The following DYTN variants were observed in gnomAD, a reference collection of about 807,000 sequenced individuals.
DYTN encodes dystrotelin.
In DYTN, 75 loss-of-function variants were observed where a neutral mutation model predicts 69.6. The observed-to-expected ratio is 1.08, with a 90% CI of 0.89 to 1.31. The LOEUF (loss-of-function observed/expected upper bound fraction) is 1.31. DYTN is among the 50% of genes most tolerant of loss of function. The probability of loss-of-function intolerance (pLI) is 0.00; values close to 1 mark genes in which losing one functional copy is unlikely to be tolerated. For missense variants in DYTN, 726 were observed against 688.4 expected, an observed-to-expected ratio of 1.05 and a Z score of -0.61; for synonymous variants, 252 against 249.1, an observed-to-expected ratio of 1.01 and a Z score of -0.11.
At chr2:206,717,622 T>C (rs1446418494) in intron 1 of DYTN, among the ~76,000 whole-genome samples, 2 of 152,224 alleles carry the variant, frequency 1.3e-5, no homozygotes, top group Admixed American at 6.5e-5. Context: ...CCCAAAGGTA[T>C]TGTAATCATT....
In DYTN at chr2:206,694,849, C is replaced by A; in HGVS notation, c.748G>T (p.Asp250Tyr). The A allele has an allele frequency of 1.3e-6, 2 of 1,599,878 alleles. No homozygotes were observed. Among genetic ancestry groups the A allele is most frequent in the South Asian group, 2.2e-5 (2 of 89,818 alleles). Residue 250 changes from aspartate to tyrosine, a missense_variant, in exon 8 of 12, where the codon GAC (aspartate) becomes TAC (tyrosine). Coordinates refer to ENST00000452335, the MANE Select transcript of DYTN (RefSeq NM_001093730.1). Reference sequence around the variant, plus strand: ...GATAAGAAACACATCTGGCAGATGTCAAAGTTGAGACACTTCAGACAGCGG... The same window carrying A: ...GATAAGAAACACATCTGGCAGATGTAAAAGTTGAGACACTTCAGACAGCGG... ...RYRCLKCLNF[D>Y]ICQMCFLSGL...
At chr2:206,659,111 G>A (rs75972374) in intron 11 of DYTN, among the ~76,000 whole-genome samples, 19,433 of 148,684 alleles carry the variant, frequency 0.13, 1,323 homozygotes, top group East Asian at 0.17. Context: ...AATTTAAAGA[G>A]GTTTGTGGAA....
chr2:206,707,172 G>T, intron 3 of DYTN, 130 bp downstream of exon 3: 2 of 1,148,736 alleles, frequency 1.7e-6, no homozygotes, highest in South Asian at 1.6e-5. Context: ...GAATAAATTT[G>T]TGAAAAACAA....
chr2:206,671,532 T>C (rs1699629810), intron 9 of DYTN, among the ~76,000 whole-genome samples: 1 of 152,158 alleles, frequency 6.6e-6, no homozygotes, highest in Non-Finnish European at 1.5e-5. Flanking sequence ...CAAATAATAA[T>C]TGCAGAATAT....
intron 1 of DYTN, among the ~76,000 whole-genome samples, chr2:206,715,691 G>A (rs1179066643): frequency 6.6e-6 from 1 of 152,206 alleles, no homozygotes; most frequent in East Asian, 1.9e-4. Context: ...ATTCAAAGAG[G>A]TTGGCTGGAG....
At chr2:206,675,747 C>A (rs1323864866) in intron 9 of DYTN, among the ~76,000 whole-genome samples, 1 of 152,136 alleles carries the variant, frequency 6.6e-6, no homozygotes, top group Non-Finnish European at 1.5e-5. Flanking sequence ...TTGTGTTATA[C>A]AACCCCATCA....
chr2:206,707,820 G>T (rs899258112), intron 2 of DYTN, among the ~76,000 whole-genome samples: 1 of 152,108 alleles, frequency 6.6e-6, no homozygotes, highest in Non-Finnish European at 1.5e-5. Context: ...CGAAAAATAC[G>T]CTTTCCAAGA....
chr2:206,696,848 C>T (rs1300443239), intron 7 of DYTN, among the ~76,000 whole-genome samples: 1 of 152,044 alleles, frequency 6.6e-6, no homozygotes, highest in Non-Finnish European at 1.5e-5. Context: ...AAAACTTAAG[C>T]TCACTTAAGT....
chr2:206,680,182 G>A (rs917784302), intron 9 of DYTN, among the ~76,000 whole-genome samples: 4 of 152,206 alleles, frequency 2.6e-5, no homozygotes, highest in Non-Finnish European at 5.9e-5. Flanking sequence ...AAGCAACAGA[G>A]GAACAAAAGC....
chr2:206,667,485 AG>A (rs1699585946), intron 9 of DYTN, among the ~76,000 whole-genome samples: 2 of 151,974 alleles, frequency 1.3e-5, no homozygotes, highest in Admixed American at 1.3e-4. Context: ...CCTCTCCTCC[AG>A]CATGGCCAAA....
intron 9 of DYTN, among the ~76,000 whole-genome samples, chr2:206,689,504 T>C (rs202159308): frequency 6.6e-6 from 1 of 152,230 alleles, no homozygotes; most frequent in East Asian, 1.9e-4. Context: ...GGGGAACAAC[T>C]CTACTGTACT....
chr2:206,685,223 G>A lies in DYTN; in HGVS notation c.980+7952C>T, dbSNP rs975913937. Among the ~76,000 whole-genome samples, 13 of 151,946 alleles carry A rather than the reference G, an allele frequency of 8.6e-5. 1 individual carries two copies. In the East Asian group the frequency reaches 9.7e-4, roughly 11 times the overall value. On this transcript the variant is annotated intron_variant, in intron 9 of 11. Transcript: ENST00000452335. ...CCCAGGCTGGAGTGAGTGCAGCAGC[G>A]CAATCACTGCTCACTGTAGCCTCGA...
chr2:206,688,867 A>T (rs1340859200), intron 9 of DYTN, among the ~76,000 whole-genome samples: 1 of 152,088 alleles, frequency 6.6e-6, no homozygotes, highest in African/African-American at 2.4e-5. Flanking sequence ...AATAATTTTT[A>T]CATGTATTTT....
At chr2:206,697,519 T>C (rs1336394042) in intron 7 of DYTN, among the ~76,000 whole-genome samples, 1 of 152,204 alleles carries the variant, frequency 6.6e-6, no homozygotes, top group Non-Finnish European at 1.5e-5. Flanking sequence ...GTTGAGTTTT[T>C]TGAGATCCCA....
intron 11 of DYTN, among the ~76,000 whole-genome samples, chr2:206,652,804 A>C (rs1373262042): frequency 6.6e-6 from 1 of 152,204 alleles, no homozygotes; most frequent in Non-Finnish European, 1.5e-5. Context: ...AAACTCACTA[A>C]GCTGTTAATA....
chr2:206,696,118 A>G (rs930409816), intron 7 of DYTN, among the ~76,000 whole-genome samples: 2 of 152,212 alleles, frequency 1.3e-5, no homozygotes, highest in East Asian at 1.9e-4. Context: ...GGAGAGCCCT[A>G]TGGGCTGGTG....
intron 9 of DYTN, among the ~76,000 whole-genome samples, chr2:206,687,532 A>G (rs1225951802): frequency 6.6e-6 from 1 of 152,090 alleles, no homozygotes; most frequent in Non-Finnish European, 1.5e-5. Context: ...CCATAACAAA[A>G]TGTTTAAAAT....
chr2:206,712,491 G>A (rs930114333), intron 1 of DYTN, among the ~76,000 whole-genome samples: 1 of 152,144 alleles, frequency 6.6e-6, no homozygotes, highest in African/African-American at 2.4e-5. Context: ...GAAGACAAGA[G>A]AGCCACAGCT....
At chr2:206,710,674 A>G in intron 1 of DYTN, 76 bp from the exon 2 acceptor site, 1 of 1,184,110 alleles carries the variant, frequency 8.4e-7, no homozygotes, top group Non-Finnish European at 1.2e-6. Flanking sequence ...AGGAAATCCT[A>G]GAGATCATGT....
Sources: allele counts gnomAD v4.1 joint callset (sites outside exome capture counted in the v4.1 genomes callset), GRCh38; gene constraint gnomAD v4.1.1; transcripts MANE v1.5; gene names NCBI Gene and HGNC (gene_info 2026-07-23, HGNC 2026-07-21).